ANXA5: variants seen among roughly 807,000 people sequenced by gnomAD.
ANXA5 encodes the protein CBP-I.
ANXA5 carries 40 observed loss-of-function variants against 48.1 expected under a neutral mutation model. The ratio of observed to expected loss-of-function variants is 0.83; its 90% CI spans 0.65 to 1.08. The LOEUF is 1.08. ANXA5 is among the 50% of genes least tolerant of loss of function. The pLI is 0.00. For synonymous variants in ANXA5, 113 were observed against 129.1 expected, an observed-to-expected ratio of 0.88 and a Z score of 0.85; for missense variants, 357 against 376.8, an observed-to-expected ratio of 0.95 and a Z score of 0.44.
At chr4:121,670,596 C>G in intron 10 of ANXA5, among the ~76,000 whole-genome samples, 1 of 146,982 alleles carries the variant, frequency 6.8e-6, no homozygotes, top group South Asian at 2.2e-4. Context: ...TGGGGCTGCT[C>G]AGACCTCAGT....
intron 6 of ANXA5, among the ~76,000 whole-genome samples, chr4:121,680,947 C>A (rs892484068): frequency 1.3e-5 from 2 of 152,138 alleles, no homozygotes; most frequent in Non-Finnish European, 2.9e-5. Context: ...TGGCAAGATA[C>A]AGCCCCTAGC....
chr4:121,685,720 TG>T (rs1199049239), intron 3 of ANXA5, among the ~76,000 whole-genome samples: 2 of 152,050 alleles, frequency 1.3e-5, no homozygotes, highest in African/African-American at 4.8e-5. Context: ...GAAAAGAGGC[TG>T]GGGAAAGAGA....
chr4:121,696,098 A>G (rs968772098), intron 2 of ANXA5, among the ~76,000 whole-genome samples: 2 of 150,728 alleles, frequency 1.3e-5, no homozygotes, highest in African/African-American at 4.9e-5. Context: ...AACTGGGCTG[A>G]GCAACTGGAA....
chr4:121,695,679 GA>G (rs1227477429), intron 2 of ANXA5, among the ~76,000 whole-genome samples: 1 of 152,066 alleles, frequency 6.6e-6, no homozygotes, highest in Admixed American at 6.5e-5. Context: ...GAGGCGGGAG[GA>G]TCACTTGAGG....
chr4:121,691,378 G>C (rs900727573), intron 2 of ANXA5, among the ~76,000 whole-genome samples: 20 of 151,826 alleles, frequency 1.3e-4, no homozygotes, highest in African/African-American at 4.8e-4. Flanking sequence ...AGCTTTTCTA[G>C]ACACAGAACT....
chr4:121,674,076 G>A (rs570740567), intron 8 of ANXA5, among the ~76,000 whole-genome samples: 30 of 151,024 alleles, frequency 2.0e-4, no homozygotes, highest in African/African-American at 6.6e-4. Flanking sequence ...AGCTACCCGG[G>A]AGGCTGTGGC....
chr4:121,688,207 C>T lies in ANXA5; in HGVS notation c.10-1835G>A, dbSNP rs181089037. Among the ~76,000 whole-genome samples the T allele has an allele frequency of 1.1e-4, 17 of 152,180 alleles. No homozygotes were observed. The East Asian group carries it at 3.3e-3, about 29-fold the overall frequency. ...CTGGCACCCTGAGACTTCCAGTCAC[C>T]AAAACTTTGAGAAATGAATTTCCTT... On this transcript the variant is annotated intron_variant, in intron 2 of 12. Transcript: ENST00000296511.
intron 2 of ANXA5, among the ~76,000 whole-genome samples, chr4:121,691,011 A>G (rs1724974836): frequency 6.6e-6 from 1 of 152,204 alleles, no homozygotes; most frequent in African/African-American, 2.4e-5. Flanking sequence ...GTGACTTTAA[A>G]TGACTCATTC....
rs1009234637 is a variant in ANXA5 at position 121,668,588 on chromosome 4, AC to A, written c.904-62del. ...CACAGAAGCCATAGAAAATTTTAAA[AC>A]TAAATAACTGGCAACAAATTTTATT... is the stretch of plus-strand genomic sequence containing the variant. On this transcript the variant is annotated intron_variant, in intron 12 of 12. Transcript: ENST00000296511. The A allele has an allele frequency of 5.4e-6, 8 of 1,468,534 alleles. No individual in the cohort carries two copies. The African/African-American group carries it at 1.1e-4, about 20-fold the overall frequency. The allele number at this position is 1,468,534 out of a possible 1,614,324, so 91.0% of individuals were successfully genotyped here. A position where few individuals can be genotyped will look rare whatever the true frequency, so the allele number is the denominator to read the frequency against.
chr4:121,690,011 G>A (rs1322566981), intron 2 of ANXA5, among the ~76,000 whole-genome samples: 2 of 152,158 alleles, frequency 1.3e-5, no homozygotes, highest in African/African-American at 4.8e-5. Flanking sequence ...GGGCCACCAC[G>A]CAAGACAATA....
chr4:121,676,050 T>C (rs1724693151), intron 8 of ANXA5, among the ~76,000 whole-genome samples: 1 of 152,214 alleles, frequency 6.6e-6, no homozygotes, highest in Admixed American at 6.5e-5. Flanking sequence ...TTTCTTACAC[T>C]GTGACCCTGA....
In ANXA5 at chr4:121,679,792, C is replaced by G. The variant is rs573171490; in HGVS notation, c.395-1298G>C. Among the ~76,000 whole-genome samples the G allele has an allele frequency of 4.0e-4, 61 of 152,182 alleles. 1 individual carries two copies. Among genetic ancestry groups the G allele is most frequent in the African/African-American group, 1.3e-3 (56 of 41,514 alleles). ...AATTGTATATATTTAAGGTATACAC[C>G]ATGATGTTTTCATATATGTGTACGT... On this transcript the variant is annotated intron_variant, in intron 6 of 12. Coordinates refer to ENST00000296511, the MANE Select transcript of ANXA5 (RefSeq NM_001154.4).
At chr4:121,686,177 TCTC>T in intron 3 of ANXA5, 108 bp downstream of exon 3, 1 of 821,368 alleles carries the variant, frequency 1.2e-6, no homozygotes, top group Non-Finnish European at 2.0e-6. Flanking sequence ...ACATATCTCT[TCTC>T]CTACAGATTT....
At chr4:121,681,630 A>T (rs1392062919) in intron 6 of ANXA5, 41 bp downstream of exon 6, 6 of 1,344,300 alleles carry the variant, frequency 4.5e-6, no homozygotes, top group Non-Finnish European at 6.4e-6. Flanking sequence ...GAAGGAAGTG[A>T]TAGTGGAGGT....
intron 5 of ANXA5, 92 bp from the exon 6 acceptor site, chr4:121,681,853 T>A: frequency 1.3e-6 from 1 of 797,284 alleles, no homozygotes; most frequent in Non-Finnish European, 2.1e-6. Flanking sequence ...AATTGCATAG[T>A]TATATAAATA....
intron 2 of ANXA5, among the ~76,000 whole-genome samples, chr4:121,687,534 T>C (rs1420478336): frequency 1.3e-5 from 2 of 152,206 alleles, no homozygotes; most frequent in African/African-American, 2.4e-5. Context: ...ACATGTCTTA[T>C]TATAAATGCA....
intron 3 of ANXA5, among the ~76,000 whole-genome samples, chr4:121,685,053 C>T (rs867906140): frequency 2.9e-4 from 34 of 116,868 alleles, no homozygotes; most frequent in South Asian, 4.9e-4. Context: ...TATATATATA[C>T]ACACACACAT....
intron 2 of ANXA5, among the ~76,000 whole-genome samples, chr4:121,688,391 C>T (rs1474686853): frequency 6.6e-6 from 1 of 152,110 alleles, no homozygotes; most frequent in Non-Finnish European, 1.5e-5. Flanking sequence ...CACGAGTCCC[C>T]CTAACTTGAT....
intron 3 of ANXA5, among the ~76,000 whole-genome samples, chr4:121,685,071 T>TATACAC (rs375985676): frequency 6.8e-6 from 1 of 146,532 alleles, no homozygotes; most frequent in African/African-American, 2.6e-5. Flanking sequence ...CATATATATA[T>TATACAC]ACACACACAC....
Sources: gnomAD v4.1 joint callset for allele counts (sites outside exome capture counted in the v4.1 genomes callset) on GRCh38, gnomAD v4.1.1 for gene constraint, MANE v1.5 for transcripts, NCBI Gene and HGNC (gene_info 2026-07-23, HGNC 2026-07-21) for gene names.